The following FER variants were observed in gnomAD, a reference collection of about 807,000 sequenced individuals.
FER encodes FER tyrosine kinase.
A neutral mutation model predicts 111.0 loss-of-function variants in FER; 63 were observed. The ratio of observed to expected loss-of-function variants is 0.57; its 90% CI spans 0.46 to 0.70. The LOEUF (loss-of-function observed/expected upper bound fraction) is 0.70, where lower values mean the gene tolerates loss of function less well. Ranked by LOEUF, FER falls within the 30% of genes least tolerant of loss-of-function variation. The pLI is 0.00. For synonymous variants in FER, 327 were observed against 313.9 expected, an observed-to-expected ratio of 1.04 and a Z score of -0.44; for missense variants, 914 against 954.0, an observed-to-expected ratio of 0.96 and a Z score of 0.55.
intron 5 of FER, among the ~76,000 whole-genome samples, chr5:108,847,608 G>C (rs888370001): frequency 2.6e-5 from 4 of 152,044 alleles, no homozygotes; most frequent in African/African-American, 9.7e-5. Context: ...GAAGGATATT[G>C]AAATCGCCAA....
intron 1 of FER, among the ~76,000 whole-genome samples, chr5:108,749,359 G>T (rs1359805140): frequency 2.0e-5 from 3 of 151,948 alleles, no homozygotes; most frequent in Admixed American, 2.0e-4. Context: ...TGTGGCGGGC[G>T]TAGTGGCTCC....
chr5:108,918,884 C>G (rs1305280547), intron 10 of FER, among the ~76,000 whole-genome samples: 1 of 152,152 alleles, frequency 6.6e-6, no homozygotes, highest in Non-Finnish European at 1.5e-5. Flanking sequence ...GTGGAGTTCT[C>G]AATTGTATTC....
chr5:109,148,946 T>A lies in FER; in HGVS notation c.2049-31801T>A, dbSNP rs1273575613. Among the ~76,000 whole-genome samples the A allele has an allele frequency of 3.3e-5, 5 of 152,164 alleles. No individual in the cohort carries two copies. In the East Asian group the frequency reaches 9.6e-4, roughly 29 times the overall value. ...GAGACCTGCATTTTAACCTAAGTTA[T>A]AATATTACTTAAGAGAGTAAAATAT... On this transcript the variant is annotated intron_variant, in intron 17 of 19. Transcript: ENST00000281092.
At chr5:108,823,241 A>T (rs971534226) in intron 3 of FER, among the ~76,000 whole-genome samples, 2 of 152,202 alleles carry the variant, frequency 1.3e-5, no homozygotes, top group Non-Finnish European at 2.9e-5. Flanking sequence ...ATGACAATGA[A>T]CATGAGATTA....
chr5:108,944,141 A>AC (rs59919208), intron 10 of FER, among the ~76,000 whole-genome samples: 22 of 151,446 alleles, frequency 1.5e-4, no homozygotes, highest in African/African-American at 4.6e-4. Context: ...ACACACACAC[A>AC]AACACACACA....
At chr5:109,067,190 A>C (rs1441477971) in intron 16 of FER, among the ~76,000 whole-genome samples, 4 of 152,126 alleles carry the variant, frequency 2.6e-5, no homozygotes, top group Non-Finnish European at 5.9e-5. Context: ...TTTATTTGCC[A>C]TACAGTCAGT....
intron 8 of FER, among the ~76,000 whole-genome samples, chr5:108,881,734 G>A (rs1022604111): frequency 2.6e-5 from 4 of 152,054 alleles, no homozygotes; most frequent in African/African-American, 9.7e-5. Flanking sequence ...CATACATGAG[G>A]AGAGGGAGAG....
At position 109,003,010 on chromosome 5, in the gene FER, C is replaced by G. The variant is rs1182520255; in HGVS notation, c.1657-34412C>G. On this transcript the variant is annotated intron_variant, in intron 13 of 19. Coordinates refer to ENST00000281092, the MANE Select transcript of FER (RefSeq NM_005246.4). The stretch of plus-strand genomic sequence containing the variant: ...GGAGAAATAGGAACACTTTTTTACA[C>G]TGTTGGTGGGACTGTAAACTAGTTC... 3.3e-5 allele frequency among the ~76,000 whole-genome samples: 5 copies of G among 152,144 alleles called. No individual in the cohort carries two copies. The South Asian group carries it at 6.2e-4, about 19-fold the overall frequency.
intron 13 of FER, among the ~76,000 whole-genome samples, chr5:109,007,212 G>A (rs1765612326): frequency 6.6e-6 from 1 of 152,156 alleles, no homozygotes; most frequent in African/African-American, 2.4e-5. Flanking sequence ...CATTATATCA[G>A]TATAGTGATC....
At chr5:109,186,404 G>GGT in intron 19 of FER, 82 bp downstream of exon 19, 1 of 1,601,828 alleles carries the variant, frequency 6.2e-7, no homozygotes, top group Non-Finnish European at 8.5e-7. Flanking sequence ...CTTGAGGAGG[G>GGT]GTGTGTTAAA....
At chr5:109,162,606 T>G (rs1174936999) in intron 17 of FER, among the ~76,000 whole-genome samples, 1 of 152,130 alleles carries the variant, frequency 6.6e-6, no homozygotes, top group Non-Finnish European at 1.5e-5. Flanking sequence ...ACTTAACTTA[T>G]CCTCAGAAGC....
chr5:108,835,802 C>G lies in FER; in HGVS notation c.476C>G (p.Ala159Gly), dbSNP rs753184157. 7 of 1,533,822 alleles carry G rather than the reference C, an allele frequency of 4.6e-6. No individual in the cohort carries two copies. The South Asian group carries it at 8.7e-5, about 19-fold the overall frequency. ...SAKEKYKEAL[A>G]KGKETEKAKE... is the part of the protein sequence containing the mutation. ...AAAGAGAAATATAAAGAAGCTTTAG[C>G]TAAAGGTAAGGCAAAATTTTAAAAA... Residue 159 changes from alanine to glycine, a missense_variant, in exon 5 of 20, where the codon GCT becomes GGT. Coordinates refer to ENST00000281092, the MANE Select transcript of FER (RefSeq NM_005246.4).
intron 2 of FER, chr5:108,785,458 G>C: frequency 1.7e-6 from 1 of 578,004 alleles, no homozygotes; most frequent in Admixed American, 1.9e-5. Flanking sequence ...AACCACCCCA[G>C]TGTACCTCCC....
In FER at chr5:108,958,842, T is replaced by C. The variant is rs531948985; in HGVS notation, c.1534-383T>C. ...AAAGTTTTATCAAATGGAACACATA[T>C]GTAGACATATGTAAACATGTATCTT... On this transcript the variant is annotated intron_variant, in intron 12 of 19. Transcript: ENST00000281092. 3.3e-5 allele frequency among the ~76,000 whole-genome samples: 5 copies of C among 152,026 alleles called. 1 individual carries two copies. In the South Asian group the frequency reaches 1.0e-3, roughly 31 times the overall value.
intron 17 of FER, among the ~76,000 whole-genome samples, chr5:109,149,338 CTG>C (rs1230825342): frequency 1.3e-5 from 2 of 152,104 alleles, no homozygotes; most frequent in Non-Finnish European, 2.9e-5. Flanking sequence ...AAAAGAGTAT[CTG>C]GAGCATGAGA....
intron 17 of FER, among the ~76,000 whole-genome samples, chr5:109,104,845 C>T (rs796879874): frequency 2.6e-4 from 40 of 152,144 alleles, no homozygotes; most frequent in African/African-American, 8.9e-4. Flanking sequence ...CAGGTTCACG[C>T]CATTCTCCTA....
At chr5:109,102,606 A>G (rs945112684) in intron 17 of FER, among the ~76,000 whole-genome samples, 2 of 152,130 alleles carry the variant, frequency 1.3e-5, no homozygotes, top group African/African-American at 4.8e-5. Context: ...AATGTTTGTT[A>G]TGACTTTTCC....
intron 10 of FER, among the ~76,000 whole-genome samples, chr5:108,915,663 C>T (rs1014866791): frequency 2.0e-5 from 3 of 150,254 alleles, no homozygotes; most frequent in African/African-American, 7.3e-5. Flanking sequence ...TCTTTTCTCT[C>T]CCCCAGTTTT....
At chr5:109,139,917 G>C (rs1582214799) in intron 17 of FER, among the ~76,000 whole-genome samples, 1 of 152,118 alleles carries the variant, frequency 6.6e-6, no homozygotes, top group South Asian at 2.1e-4. Context: ...ATTAAACACA[G>C]TATACTGCTA....
Sources: gnomAD v4.1 joint callset for allele counts (sites outside exome capture counted in the v4.1 genomes callset) on GRCh38, gnomAD v4.1.1 for gene constraint, MANE v1.5 for transcripts, NCBI Gene and HGNC (gene_info 2026-07-23, HGNC 2026-07-21) for gene names.